Variants in CAMKMT observed in about 807,000 individuals in gnomAD.
CAMKMT encodes CaM KMT.
CAMKMT carries 53 observed loss-of-function variants against 48.0 expected under a neutral mutation model. That is an observed-to-expected ratio of 1.10 (90% CI 0.89 to 1.39). The LOEUF is 1.39. CAMKMT is among the 40% of genes most tolerant of loss of function. The probability of loss-of-function intolerance (pLI) is 0.00; values close to 1 mark genes in which losing one functional copy is unlikely to be tolerated. For missense variants in CAMKMT, 428 were observed against 402.7 expected (o/e 1.06, Z -0.54); for synonymous variants, 165 against 152.3 (o/e 1.08, Z -0.61).
At chr2:44,632,770 T>C (rs1239762948) in intron 3 of CAMKMT, among the ~76,000 whole-genome samples, 1 of 152,134 alleles carries the variant, frequency 6.6e-6, no homozygotes, top group African/African-American at 2.4e-5. Context: ...GGCTAGAATA[T>C]AAGGCAGGCA....
At chr2:44,528,009 C>G (rs575780328) in intron 3 of CAMKMT, among the ~76,000 whole-genome samples, 3 of 152,054 alleles carry the variant, frequency 2.0e-5, no homozygotes, top group Non-Finnish European at 2.9e-5. Context: ...TTCACCTATT[C>G]GTTCCTTGTA....
intron 3 of CAMKMT, among the ~76,000 whole-genome samples, chr2:44,544,101 T>G (rs1416595190): frequency 6.6e-6 from 1 of 152,050 alleles, no homozygotes; most frequent in African/African-American, 2.4e-5. Context: ...TGTTCTTAAT[T>G]TAGTGCTCCC....
intron 3 of CAMKMT, among the ~76,000 whole-genome samples, chr2:44,522,305 C>A (rs907296893): frequency 3.3e-5 from 5 of 151,894 alleles, no homozygotes; most frequent in Non-Finnish European, 7.4e-5. Context: ...GAGCCCGGCC[C>A]CTCTTTTCAT....
intron 3 of CAMKMT, among the ~76,000 whole-genome samples, chr2:44,524,596 C>T (rs1671303421): frequency 6.6e-6 from 1 of 151,772 alleles, no homozygotes; most frequent in Admixed American, 6.6e-5. Flanking sequence ...CATCATCAAG[C>T]AGTGTACACT....
intron 3 of CAMKMT, among the ~76,000 whole-genome samples, chr2:44,689,141 C>T (rs755147347): frequency 3.3e-5 from 5 of 152,122 alleles, no homozygotes; most frequent in Admixed American, 2.6e-4. Flanking sequence ...TGTCTGTGTT[C>T]GGGATGTGGC....
chr2:44,433,186 T>C (rs1180842698), intron 3 of CAMKMT, among the ~76,000 whole-genome samples: 1 of 152,150 alleles, frequency 6.6e-6, no homozygotes, highest in African/African-American at 2.4e-5. Context: ...AGTATTTAAA[T>C]ACAGTGGACT....
intron 3 of CAMKMT, among the ~76,000 whole-genome samples, chr2:44,501,688 T>G (rs775882705): frequency 6.6e-6 from 1 of 152,100 alleles, no homozygotes; most frequent in Non-Finnish European, 1.5e-5. Flanking sequence ...TTTTTATAGG[T>G]GCAGTTCGAA....
chr2:44,761,031 A>T (rs1254254366), intron 9 of CAMKMT, among the ~76,000 whole-genome samples: 1 of 152,194 alleles, frequency 6.6e-6, no homozygotes, highest in Non-Finnish European at 1.5e-5. Context: ...TCTAGAGACA[A>T]GCAAGGGACG....
chr2:44,532,844 T>C (rs1666563451), intron 3 of CAMKMT, among the ~76,000 whole-genome samples: 1 of 151,712 alleles, frequency 6.6e-6, no homozygotes, highest in South Asian at 2.1e-4. Flanking sequence ...AGACAGAGTC[T>C]CGCTGTCACC....
chr2:44,383,330 A>G (rs568018294), intron 2 of CAMKMT, among the ~76,000 whole-genome samples: 1 of 151,674 alleles, frequency 6.6e-6, no homozygotes, highest in East Asian at 2.0e-4. Context: ...ACACCCGGCT[A>G]ATTTTTGTAT....
intron 3 of CAMKMT, among the ~76,000 whole-genome samples, chr2:44,631,136 C>T (rs12615184): frequency 6.6e-6 from 1 of 151,442 alleles, no homozygotes; most frequent in Non-Finnish European, 1.5e-5. Flanking sequence ...TCTCAGTAAA[C>T]TATCGCAAGA....
chr2:44,591,580 T>C (rs1670277731), intron 3 of CAMKMT, among the ~76,000 whole-genome samples: 1 of 152,142 alleles, frequency 6.6e-6, no homozygotes, highest in Non-Finnish European at 1.5e-5. Context: ...CTGGAGAGGA[T>C]GTGGAGAAAT....
chr2:44,580,006 G>T (rs1351411753), intron 3 of CAMKMT, among the ~76,000 whole-genome samples: 1 of 152,058 alleles, frequency 6.6e-6, no homozygotes, highest in African/African-American at 2.4e-5. Flanking sequence ...AATTCCTGTG[G>T]TTTTTAAAAA....
At chr2:44,567,080 A>G (rs1231876758) in intron 3 of CAMKMT, among the ~76,000 whole-genome samples, 5 of 152,130 alleles carry the variant, frequency 3.3e-5, no homozygotes, top group Non-Finnish European at 5.9e-5. Context: ...GAGAGTTATC[A>G]GTTGACCAAG....
chr2:44,560,089 G>A (rs570224052), intron 3 of CAMKMT, among the ~76,000 whole-genome samples: 11 of 152,190 alleles, frequency 7.2e-5, no homozygotes, highest in South Asian at 2.1e-4. Context: ...CTTTGAAGTC[G>A]CTTTTCAAGT....
chr2:44,464,469 ACATT>A (rs1396150289), intron 3 of CAMKMT, among the ~76,000 whole-genome samples: 1 of 152,224 alleles, frequency 6.6e-6, no homozygotes, highest in African/African-American at 2.4e-5. Flanking sequence ...AAGAAAATGG[ACATT>A]CAAATTCAAA....
intron 3 of CAMKMT, among the ~76,000 whole-genome samples, chr2:44,665,220 G>A (rs1478269511): frequency 5.3e-5 from 8 of 152,048 alleles, no homozygotes; most frequent in Non-Finnish European, 1.0e-4. Flanking sequence ...ACAGGCACCC[G>A]CCATCATGCC....
chr2:44,488,842 T>TG lies in CAMKMT; in HGVS notation c.376+98537_376+98538insG, dbSNP rs1669338314. ...TAAAAATTAGAAAAGCCTTAGGGTA[T>TG]TTGTGTGTGTGTGTGTGTGTGTGTG... On this transcript the variant is annotated intron_variant, in intron 3 of 10. Coordinates refer to ENST00000378494, the MANE Select transcript of CAMKMT (RefSeq NM_024766.5). 3.1e-5 allele frequency among the ~76,000 whole-genome samples: 4 copies of TG among 128,170 alleles called. No homozygotes were observed. The Admixed American group carries it at 3.3e-4, about 10-fold the overall frequency. The allele number at this position is 128,170 out of a possible 152,430, so 84.1% of individuals were successfully genotyped here.
chr2:44,539,035 G>C lies in CAMKMT; in HGVS notation c.376+148730G>C, dbSNP rs372621993. ...ATAATACTTCTCGGCTAGGCGCAGTGGCTCACGCCTGTAATCCTAGCACTT... is the reference window on the plus strand; with the variant it reads ...ATAATACTTCTCGGCTAGGCGCAGTCGCTCACGCCTGTAATCCTAGCACTT... On this transcript the variant is annotated intron_variant, in intron 3 of 10. Transcript: ENST00000378494. Among the ~76,000 whole-genome samples the C allele has an allele frequency of 1.3e-4, 20 of 150,162 alleles. No individual in the cohort carries two copies. In the East Asian group the frequency reaches 4.0e-3, roughly 30 times the overall value.
Sources: gnomAD v4.1 joint callset for allele counts (sites outside exome capture counted in the v4.1 genomes callset) on GRCh38, gnomAD v4.1.1 for gene constraint, MANE v1.5 for transcripts, NCBI Gene and HGNC (gene_info 2026-07-23, HGNC 2026-07-21) for gene names.